TTC7A: variants seen among roughly 807,000 people sequenced by gnomAD.
TTC7A encodes tetratricopeptide repeat protein 7A.
Under a neutral mutation model 103.7 loss-of-function variants are expected in TTC7A, and 110 were observed. The ratio of observed to expected loss-of-function variants is 1.06; its 90% confidence interval spans 0.91 to 1.24. TTC7A has a LOEUF of 1.24. TTC7A is among the 50% of genes most tolerant of loss of function. TTC7A has a pLI of 0.00. For synonymous variants in TTC7A, 521 were observed against 467.9 expected, an observed-to-expected ratio of 1.11 and a Z score of -1.47; for missense variants, 1,340 against 1,116.3, an observed-to-expected ratio of 1.20 and a Z score of -2.86.
chr2:46,968,394 T>C (rs1294748576), intron 3 of TTC7A, among the ~76,000 whole-genome samples: 1 of 152,174 alleles, frequency 6.6e-6, no homozygotes, highest in Non-Finnish European at 1.5e-5. Flanking sequence ...GATTGAGCAC[T>C]GTAGTCTGGC....
At chr2:46,946,104 A>G (rs1670913949) in intron 1 of TTC7A, among the ~76,000 whole-genome samples, 1 of 152,104 alleles carries the variant, frequency 6.6e-6, no homozygotes, top group South Asian at 2.1e-4. Flanking sequence ...CAGGGGCTAT[A>G]AGGAAGGTGG....
chr2:47,061,950 C>G (rs1361110082), intron 19 of TTC7A, among the ~76,000 whole-genome samples: 3 of 152,148 alleles, frequency 2.0e-5, no homozygotes, highest in African/African-American at 2.4e-5. Context: ...TTGGATGTCC[C>G]CCCTGTGAGA....
intron 3 of TTC7A, among the ~76,000 whole-genome samples, chr2:46,962,378 G>A (rs2104083148): frequency 1.3e-5 from 2 of 152,264 alleles, no homozygotes; most frequent in Middle Eastern, 6.8e-3. Context: ...ATTCTACCCA[G>A]TTAGGGGTCA....
At chr2:46,962,579 A>G (rs908932535) in intron 3 of TTC7A, among the ~76,000 whole-genome samples, 4 of 152,252 alleles carry the variant, frequency 2.6e-5, no homozygotes, top group Non-Finnish European at 4.4e-5. Context: ...GGAGGGATGC[A>G]GCTAGAGGGG....
At chr2:46,981,163 TTTAAA>T (rs1231215932) in intron 5 of TTC7A, among the ~76,000 whole-genome samples, 4 of 152,222 alleles carry the variant, frequency 2.6e-5, no homozygotes, top group African/African-American at 9.6e-5. Flanking sequence ...CCCCCGCCAC[TTTAAA>T]TAATTACTTT....
At chr2:46,983,478 G>A (rs1296460057) in intron 5 of TTC7A, among the ~76,000 whole-genome samples, 1 of 152,186 alleles carries the variant, frequency 6.6e-6, no homozygotes, top group East Asian at 1.9e-4. Context: ...GTCTCCCTCT[G>A]CCAGTTGTGA....
intron 2 of TTC7A, among the ~76,000 whole-genome samples, chr2:46,918,392 G>A (rs534609055): frequency 1.3e-5 from 2 of 152,196 alleles, no homozygotes; most frequent in Non-Finnish European, 2.9e-5. Flanking sequence ...AGTAGATGAT[G>A]CTGCTGGACT....
At chr2:46,951,909 A>T (rs1446379602) in intron 2 of TTC7A, among the ~76,000 whole-genome samples, 1 of 152,214 alleles carries the variant, frequency 6.6e-6, no homozygotes, top group East Asian at 1.9e-4. Flanking sequence ...TCCAAGGTAG[A>T]CCGTGATAGG....
intron 13 of TTC7A, among the ~76,000 whole-genome samples, chr2:47,023,681 G>A (rs1273526619): frequency 6.6e-6 from 1 of 152,180 alleles, no homozygotes; most frequent in African/African-American, 2.4e-5. Flanking sequence ...GCAGCCACAA[G>A]TCTCGGTTCC....
chr2:46,972,368 A>G (rs1302335294), intron 3 of TTC7A, among the ~76,000 whole-genome samples: 2 of 152,194 alleles, frequency 1.3e-5, no homozygotes, highest in East Asian at 1.9e-4. Context: ...TTTAAATCGC[A>G]GTAAAAAAGC....
At chr2:46,915,915 G>C (rs566833573), upstream of TTC7A, 21 of 985,134 alleles carry the variant, frequency 2.1e-5, no homozygotes, top group South Asian at 8.0e-4. Context: ...TGTGAGGACG[G>C]CTCGCGTGAG....
chr2:46,993,275 T>A lies in TTC7A; in HGVS notation c.765-175T>A, dbSNP rs6544948. 0.12 allele frequency among the ~76,000 whole-genome samples: 18,065 copies of A among 152,054 alleles called. 1,588 individuals are homozygous for A. The highest frequency in any genetic ancestry group is 0.25 in the African/African-American group (10,304 of 41,434). On this transcript the variant is annotated intron_variant, in intron 5 of 19. Coordinates refer to ENST00000319190, the MANE Select transcript of TTC7A (RefSeq NM_020458.4). ...AGGGATCCTCCCTCCTTTTTGTTGATGTCCTGGGCCTCTAAAGTCCTGGTG... is the reference window on the plus strand; with the variant it reads ...AGGGATCCTCCCTCCTTTTTGTTGAAGTCCTGGGCCTCTAAAGTCCTGGTG...
intron 17 of TTC7A, 189 bp downstream of exon 17, chr2:47,050,235 A>G (rs1682743911): frequency 5.1e-6 from 3 of 590,106 alleles, no homozygotes; most frequent in South Asian, 2.0e-5. Context: ...CTGGTCCCAC[A>G]GTGGGCAGTG....
intron 1 of TTC7A, chr2:46,917,102 C>G (rs1027767486): frequency 5.7e-5 from 39 of 688,370 alleles, no homozygotes; most frequent in Non-Finnish European, 9.4e-5. Context: ...TTCCTTTTCC[C>G]ACCTTCATCT....
intron 16 of TTC7A, chr2:47,047,453 G>T: frequency 1.5e-6 from 1 of 655,896 alleles, no homozygotes. Context: ...CTCTGGGGTT[G>T]AGGGACTTTT....
At position 47,006,746 on chromosome 2, in the gene TTC7A, G is replaced by A. The variant is rs1383827943; in HGVS notation, c.1287+22G>A. On this transcript the variant is annotated intron_variant, in intron 10 of 19. Transcript: ENST00000319190. Reference sequence around the variant, plus strand: ...GAAGGTAAGGCCCAGGGGGCGCTAGGGGTTGCACACTCACCCGCAGGGGGC... The same window carrying A: ...GAAGGTAAGGCCCAGGGGGCGCTAGAGGTTGCACACTCACCCGCAGGGGGC... 6 of 1,583,946 alleles carry A rather than the reference G, an allele frequency of 3.8e-6. No individual in the cohort carries two copies. In the South Asian group the frequency reaches 5.5e-5, roughly 15 times the overall value.
chr2:47,014,545 C>T (rs1223635097), intron 11 of TTC7A, among the ~76,000 whole-genome samples: 1 of 152,188 alleles, frequency 6.6e-6, no homozygotes, highest in South Asian at 2.1e-4. Context: ...CAGGGAGGCC[C>T]AGAGTGGGTC....
At chr2:46,946,135 C>G (rs1041556591) in intron 1 of TTC7A, among the ~76,000 whole-genome samples, 1 of 152,100 alleles carries the variant, frequency 6.6e-6, no homozygotes, top group Non-Finnish European at 1.5e-5. Flanking sequence ...CTTCCAGACA[C>G]GATGGGGTTG....
chr2:47,073,423 C>G (rs891853917), intron 19 of TTC7A, among the ~76,000 whole-genome samples: 1 of 152,168 alleles, frequency 6.6e-6, no homozygotes, highest in African/African-American at 2.4e-5. Context: ...TGTGACACAG[C>G]CAGGTCTGTT....
Sources: gnomAD v4.1 joint callset for allele counts (sites outside exome capture counted in the v4.1 genomes callset) on GRCh38, gnomAD v4.1.1 for gene constraint, MANE v1.5 for transcripts, NCBI Gene and HGNC (gene_info 2026-07-23, HGNC 2026-07-21) for gene names.